The following LGR6 variants were observed in gnomAD, a reference collection of about 807,000 sequenced individuals.
LGR6 encodes the protein leucine-rich repeat-containing G protein-coupled receptor 6.
A neutral mutation model predicts 69.4 loss-of-function variants in LGR6; 45 were observed. The observed-to-expected ratio is 0.65, with a 90% CI of 0.51 to 0.83. The LOEUF (loss-of-function observed/expected upper bound fraction) is 0.83. Ranked by LOEUF, LGR6 falls within the 40% of genes least tolerant of loss-of-function variation. The probability of loss-of-function intolerance (pLI) is 0.00; values close to 1 mark genes in which losing one functional copy is unlikely to be tolerated. For synonymous variants in LGR6, 538 were observed against 555.0 expected, an observed-to-expected ratio of 0.97 and a Z score of 0.43; for missense variants, 1,108 against 1,246.7, an observed-to-expected ratio of 0.89 and a Z score of 1.68.
chr1:202,193,995 C>A lies in LGR6; in HGVS notation c.6C>A (p.Pro2=). ...CCAGTAGCCCGACCGCCGAGATGCC[C>A]AGCCCGCCGGGGCTCCGGGCGCTAT... The part of the protein sequence containing the change: M[P]SPPGLRALWL... Residue 2 remains proline, a synonymous_variant, in exon 1 of 18, where the codon CCC becomes CCA. Coordinates refer to ENST00000367278, the MANE Select transcript of LGR6 (RefSeq NM_001017403.2). 2 of 1,373,710 alleles carry A rather than the reference C, an allele frequency of 1.5e-6. No homozygotes were observed. Among genetic ancestry groups the A allele is most frequent in the Admixed American group, 3.2e-5 (1 of 30,970 alleles). 85.1% of individuals were successfully genotyped at this position (1,373,710 alleles called of 1,614,324 possible).
intron 4 of LGR6, among the ~76,000 whole-genome samples, chr1:202,260,186 G>C (rs1664111992): frequency 6.6e-6 from 1 of 152,086 alleles, no homozygotes; most frequent in Non-Finnish European, 1.5e-5. Context: ...TTACAGGCAT[G>C]TGTCACCACG....
intron 1 of LGR6, among the ~76,000 whole-genome samples, chr1:202,204,710 C>T (rs957428397): frequency 7.4e-5 from 8 of 108,370 alleles, no homozygotes; most frequent in African/African-American, 2.8e-4. Context: ...CACACACACA[C>T]CTAACACACA....
intron 4 of LGR6, among the ~76,000 whole-genome samples, chr1:202,239,593 G>T (rs868254037): frequency 3.3e-5 from 5 of 152,170 alleles, no homozygotes; most frequent in African/African-American, 9.7e-5. Flanking sequence ...ATAGGGGGCA[G>T]TCTGAAGGTG....
rs770511306 is a variant in LGR6, at chr1:202,309,121, A to G, written c.1351A>G (p.Lys451Glu). ...TGGGGGCTTGATGCATCTGAAGCTC[A>G]AAGGGAACCTTGCTCTCTCCCAGGC... ...GLGGLMHLKLKGNLALSQAFS... is the reference protein window; with the variant it reads ...GLGGLMHLKLEGNLALSQAFS... Residue 451 changes from lysine to glutamate, a missense_variant, in exon 15 of 18, where the codon AAA becomes GAA. Physicochemically the swap from Lys to Glu is moderately conservative, Grantham distance 56 (BLOSUM62 1). Coordinates refer to ENST00000367278, the MANE Select transcript of LGR6 (RefSeq NM_001017403.2). 1.2e-6 allele frequency: 2 copies of G among 1,614,136 alleles called. No homozygotes were observed. The highest frequency in any genetic ancestry group is 1.7e-6 in the Non-Finnish European group (2 of 1,179,998).
At chr1:202,224,127 C>T (rs556999094) in intron 1 of LGR6, among the ~76,000 whole-genome samples, 1 of 151,868 alleles carries the variant, frequency 6.6e-6, no homozygotes, top group African/African-American at 2.4e-5. Flanking sequence ...CTTTTGACTT[C>T]GAAGCTCAGT....
At chr1:202,205,842 T>C (rs1571810512) in intron 1 of LGR6, among the ~76,000 whole-genome samples, 2 of 77,032 alleles carry the variant, frequency 2.6e-5, no homozygotes, top group African/African-American at 4.4e-5. Context: ...CACACACACC[T>C]CCTTCAAACA....
intron 9 of LGR6, among the ~76,000 whole-genome samples, chr1:202,302,790 G>A (rs1271599983): frequency 6.6e-5 from 10 of 152,096 alleles, no homozygotes; most frequent in South Asian, 2.1e-4. Flanking sequence ...CAGGTGATCC[G>A]CCCGCCTCGG....
At chr1:202,276,638 ACCTTCTGGCCTC>A (rs1487642156) in intron 5 of LGR6, 117 bp downstream of exon 5, 2 of 810,722 alleles carry the variant, frequency 2.5e-6, no homozygotes, top group Admixed American at 5.0e-5. Context: ...ATGTTGCTAA[ACCTTCTGGCCTC>A]CCTTTGGAAA....
chr1:202,203,438 G>T (rs1558002856), intron 1 of LGR6, among the ~76,000 whole-genome samples: 1 of 152,296 alleles, frequency 6.6e-6, no homozygotes, highest in East Asian at 1.9e-4. Flanking sequence ...GTGGATTCTG[G>T]CAATACCTGT....
Position 202,226,041 on chromosome 1 carries a change from C to T in LGR6, c.284+547C>T, listed in dbSNP as rs148513942. ...TGGCCTAAAGGATCCATTTCTTAGA[C>T]CCTCCCTTACAGTTAAGGCCCATTT... is the stretch of plus-strand genomic sequence containing the variant. On this transcript the variant is annotated intron_variant, in intron 2 of 17. Transcript: ENST00000367278. 5.3e-3 allele frequency among the ~76,000 whole-genome samples: 809 copies of T among 152,316 alleles called. 2 individuals carry two copies. The highest frequency in any genetic ancestry group is 8.5e-3 in the Non-Finnish European group (577 of 68,030).
At chr1:202,204,695 AAACAC>A (rs1558003996) in intron 1 of LGR6, among the ~76,000 whole-genome samples, 7 of 4,174 alleles carry the variant, frequency 1.7e-3, no homozygotes, top group East Asian at 9.8e-3. Context: ...ACACACCCCC[AAACAC>A]ACACACACAC....
chr1:202,315,690 C>G (rs911932821), intron 17 of LGR6, among the ~76,000 whole-genome samples: 1 of 152,212 alleles, frequency 6.6e-6, no homozygotes, highest in African/African-American at 2.4e-5. Flanking sequence ...GGCCCAGGAC[C>G]CTTGCCTTCT....
At chr1:202,315,080 G>A (rs1237674726) in intron 17 of LGR6, among the ~76,000 whole-genome samples, 198 bp downstream of exon 17, 3 of 152,202 alleles carry the variant, frequency 2.0e-5, no homozygotes, top group South Asian at 2.1e-4. Context: ...TGCTTGAGGG[G>A]AGTAGCATGA....
chr1:202,264,485 C>T (rs1443940928), intron 4 of LGR6, among the ~76,000 whole-genome samples: 1 of 152,218 alleles, frequency 6.6e-6, no homozygotes, highest in African/African-American at 2.4e-5. Context: ...GCAGCCAGGC[C>T]TCAAGCAACC....
At chr1:202,308,797 TG>T (rs1335924166) in intron 14 of LGR6, among the ~76,000 whole-genome samples, 1 of 152,200 alleles carries the variant, frequency 6.6e-6, no homozygotes, top group African/African-American at 2.4e-5. Context: ...GAACAGTCCC[TG>T]GTATATAGTT....
Position 202,247,070 on chromosome 1 carries a change from TA to T in LGR6, c.428+11080del, listed in dbSNP as rs145392499. Reference sequence around the variant, plus strand: ...CTACCTCACAGCACTAGGGAAACTATAAAGTGCAGATCCCCAGGCCCCTTCT... The same window carrying T: ...CTACCTCACAGCACTAGGGAAACTATAAGTGCAGATCCCCAGGCCCCTTCT... On this transcript the variant is annotated intron_variant, in intron 4 of 17. Transcript: ENST00000367278. Among the ~76,000 whole-genome samples the T allele has an allele frequency of 3.7e-3, 565 of 152,336 alleles. 6 individuals are homozygous for T. The highest frequency in any genetic ancestry group is 0.012 in the South Asian group (60 of 4,828).
In LGR6 at chr1:202,225,465, C is replaced by G. The variant is rs771637615; in HGVS notation, c.255C>G (p.Leu85=). 4 of 1,614,050 alleles carry G rather than the reference C, an allele frequency of 2.5e-6. No individual in the cohort carries two copies. The highest frequency in any genetic ancestry group is 3.4e-6 in the Non-Finnish European group (4 of 1,179,912). The change falls in exon 2 of 18, where the codon CTC becomes CTG. Residue 85 remains leucine, a synonymous_variant. Coordinates refer to ENST00000367278, the MANE Select transcript of LGR6 (RefSeq NM_001017403.2). ...ACCTCACAGAGCTTCAGCCTGGCCT[C>G]TTCCACCACCTGCGCTTCTTGGAGG... ...MNNLTELQPG[L]FHHLRFLEEL...
chr1:202,204,533 ACCT>A (rs1658995963), intron 1 of LGR6, among the ~76,000 whole-genome samples: 2 of 102,858 alleles, frequency 1.9e-5, no homozygotes, highest in African/African-American at 3.9e-5. Context: ...AAACACACAC[ACCT>A]CCTTCAAACA....
rs113797905 is a variant in LGR6 at position 202,270,835 on chromosome 1, C to T, written c.429-5471C>T. On this transcript the variant is annotated intron_variant, in intron 4 of 17. Transcript: ENST00000367278. ...CTCCCTGGGATGTCCTATGACCTGG[C>T]GACTTTCACACCACATGCCCCTTGG... Among the ~76,000 whole-genome samples the T allele has an allele frequency of 8.0e-3, 1,223 of 152,266 alleles. 18 individuals are homozygous for T. The highest frequency in any genetic ancestry group is 0.028 in the African/African-American group (1,144 of 41,542).
Sources: allele counts gnomAD v4.1 joint callset (sites outside exome capture counted in the v4.1 genomes callset), GRCh38; gene constraint gnomAD v4.1.1; transcripts MANE v1.5; gene names NCBI Gene and HGNC (gene_info 2026-07-23, HGNC 2026-07-21).